The following PTPRO variants were observed in gnomAD, a reference collection of about 807,000 sequenced individuals.
PTPRO encodes receptor-type tyrosine-protein phosphatase O.
PTPRO carries 62 observed loss-of-function variants against 145.2 expected under a neutral mutation model. That is an observed-to-expected ratio of 0.43 (90% CI 0.35 to 0.53). The LOEUF (loss-of-function observed/expected upper bound fraction) is 0.53, where lower values mean the gene tolerates loss of function less well. Among genes scored for constraint, PTPRO ranks in the 20% least tolerant of loss-of-function variants. The pLI, the probability that PTPRO is intolerant of heterozygous loss-of-function variation, is 0.01. For synonymous variants in PTPRO, 565 were observed against 514.7 expected (o/e 1.10, Z -1.32); for missense variants, 1,345 against 1,482.7 (o/e 0.91, Z 1.53).
chr12:15,454,604 T>C (rs1255164191), intron 1 of PTPRO, among the ~76,000 whole-genome samples: 1 of 152,190 alleles, frequency 6.6e-6, no homozygotes, highest in Admixed American at 6.5e-5. Context: ...CTGTTGTCTA[T>C]GTTTCCTTGT....
At chr12:15,360,282 T>A (rs2136241707) in intron 1 of PTPRO, among the ~76,000 whole-genome samples, 1 of 152,310 alleles carries the variant, frequency 6.6e-6, no homozygotes, top group African/African-American at 2.4e-5. Flanking sequence ...TCTGACAAAT[T>A]GTAGGTGTTC....
intron 1 of PTPRO, among the ~76,000 whole-genome samples, chr12:15,405,307 A>G (rs1939616835): frequency 6.6e-6 from 1 of 152,212 alleles, no homozygotes; most frequent in Non-Finnish European, 1.5e-5. Flanking sequence ...TAGAAAGCCT[A>G]TCTTGATGGT....
At chr12:15,373,672 T>C (rs114790664) in intron 1 of PTPRO, among the ~76,000 whole-genome samples, 3,301 of 152,258 alleles carry the variant, frequency 0.022, 124 homozygotes, top group African/African-American at 0.075. Context: ...ACACCTACTA[T>C]GTGCAAATCA....
chr12:15,513,168 A>T (rs866670104), intron 7 of PTPRO, among the ~76,000 whole-genome samples: 1,590 of 91,166 alleles, frequency 0.017, 141 homozygotes, highest in African/African-American at 0.025. Context: ...AAAGAAAGAA[A>T]GAAAGAAAGA....
At chr12:15,456,882 A>G (rs1026906817) in intron 1 of PTPRO, among the ~76,000 whole-genome samples, 26 of 152,128 alleles carry the variant, frequency 1.7e-4, no homozygotes, top group African/African-American at 6.3e-4. Context: ...TTATACTAAT[A>G]TCTTGTTAAT....
At chr12:15,336,748 C>G (rs1866776854) in intron 1 of PTPRO, among the ~76,000 whole-genome samples, 1 of 152,182 alleles carries the variant, frequency 6.6e-6, no homozygotes, top group South Asian at 2.1e-4. Flanking sequence ...CTCCAGCAGC[C>G]CAGTCTGCCA....
intron 2 of PTPRO, among the ~76,000 whole-genome samples, chr12:15,487,513 A>G (rs1474134582): frequency 6.6e-6 from 1 of 152,186 alleles, no homozygotes; most frequent in Non-Finnish European, 1.5e-5. Flanking sequence ...GGTCCAGGGA[A>G]GTAAGTTTTC....
At chr12:15,488,774 G>T (rs978363192) in intron 2 of PTPRO, among the ~76,000 whole-genome samples, 1 of 152,150 alleles carries the variant, frequency 6.6e-6, no homozygotes, top group Admixed American at 6.6e-5. Flanking sequence ...GAGTCATTTG[G>T]CCAGTTCAAA....
chr12:15,341,348 A>C (rs965188365), intron 1 of PTPRO, among the ~76,000 whole-genome samples: 4 of 152,194 alleles, frequency 2.6e-5, no homozygotes, highest in African/African-American at 9.6e-5. Context: ...TTGTCTCTTT[A>C]GTATATATCC....
intron 12 of PTPRO, among the ~76,000 whole-genome samples, chr12:15,541,123 T>TA (rs1022629619): frequency 6.6e-6 from 1 of 152,186 alleles, no homozygotes; most frequent in African/African-American, 2.4e-5. Flanking sequence ...GAAGTTATTT[T>TA]AAACAAAAGG....
intron 14 of PTPRO, among the ~76,000 whole-genome samples, chr12:15,550,411 A>C (rs1943424494): frequency 6.6e-6 from 1 of 152,164 alleles, no homozygotes. Flanking sequence ...GGTGGCAGAG[A>C]GTAAAGATAA....
intron 1 of PTPRO, among the ~76,000 whole-genome samples, chr12:15,428,499 A>G (rs1940344302): frequency 2.0e-5 from 3 of 152,164 alleles, no homozygotes; most frequent in Admixed American, 6.5e-5. Flanking sequence ...TAAGGGGATC[A>G]TATATAAGAG....
At chr12:15,537,758 T>C (rs1251058879) in intron 12 of PTPRO, among the ~76,000 whole-genome samples, 2 of 152,184 alleles carry the variant, frequency 1.3e-5, no homozygotes, top group African/African-American at 4.8e-5. Context: ...AAACTGTTGA[T>C]GCAGCATAGT....
chr12:15,387,471 C>T (rs1474605220), intron 1 of PTPRO, among the ~76,000 whole-genome samples: 1 of 152,196 alleles, frequency 6.6e-6, no homozygotes, highest in Non-Finnish European at 1.5e-5. Flanking sequence ...CTTTCTTTGC[C>T]TATAAGCTGT....
In PTPRO at chr12:15,580,062, G is replaced by A; in HGVS notation, c.2944G>A (p.Val982Ile). ...LPYDFSRVRL[V>I]SMNEEEGADY... ...AGATGACTTCAGCCGTGTGAGATTA[G>A]TCTCCATGAATGAAGAGGAAGGTGC... The change falls in exon 21 of 27, where the codon GTC (valine) becomes ATC (isoleucine). Residue 982 changes from valine to isoleucine, a missense_variant. Around this residue, in one of 3 missense-constraint regions of PTPRO, gnomAD observed 1,130 missense variants for 1,214.7 expected, o/e 0.93. Transcript: ENST00000281171. 6.2e-7 allele frequency: 1 copy of A among 1,612,882 alleles called. No homozygotes were observed. The highest frequency in any genetic ancestry group is 1.7e-5 in the Admixed American group (1 of 59,992).
At chr12:15,587,563 T>C (rs1944455595) in intron 24 of PTPRO, among the ~76,000 whole-genome samples, 1 of 152,240 alleles carries the variant, frequency 6.6e-6, no homozygotes, top group Non-Finnish European at 1.5e-5. Context: ...ATATTTGCTA[T>C]GATTCCTCTT....
chr12:15,323,141 T>G (rs1365064749), intron 1 of PTPRO, among the ~76,000 whole-genome samples: 2 of 152,340 alleles, frequency 1.3e-5, no homozygotes, highest in East Asian at 3.9e-4. Context: ...TGGTTTCCAC[T>G]GCACCCCAAC....
At position 15,569,513 on chromosome 12, in the gene PTPRO, G is replaced by A; in HGVS notation, c.2829+15G>A. 2 of 1,595,566 alleles carry A rather than the reference G, an allele frequency of 1.3e-6. No homozygotes were observed. Among genetic ancestry groups the A allele is most frequent in the South Asian group, 1.1e-5 (1 of 90,664 alleles). ...TTCAGTTTGAGGTGAGTTGGTTAAG[G>A]CATTTTCTACCTTCTGTAATGGAAA... On this transcript the variant is annotated intron_variant, in intron 19 of 26. Coordinates refer to ENST00000281171, the MANE Select transcript of PTPRO (RefSeq NM_030667.3).
chr12:15,422,537 T>C (rs1940175293), intron 1 of PTPRO, among the ~76,000 whole-genome samples: 1 of 152,186 alleles, frequency 6.6e-6, no homozygotes, highest in Non-Finnish European at 1.5e-5. Context: ...GGCCACGGGA[T>C]AAAGTTCGGA....
Sources: allele counts gnomAD v4.1 joint callset (sites outside exome capture counted in the v4.1 genomes callset), GRCh38; gene constraint gnomAD v4.1.1; regional missense constraint gnomAD v4.1.1; transcripts MANE v1.5; gene names NCBI Gene and HGNC (gene_info 2026-07-23, HGNC 2026-07-21).